The following DMD variants were observed in gnomAD, a reference collection of about 807,000 sequenced individuals.
DMD encodes dystrophin.
Under a neutral mutation model 330.1 loss-of-function variants are expected in DMD, and 63 were observed. The ratio of observed to expected loss-of-function variants is 0.19; its 90% CI spans 0.16 to 0.24. The LOEUF (loss-of-function observed/expected upper bound fraction) is 0.24. Ranked by LOEUF, DMD falls within the 10% of genes least tolerant of loss-of-function variation. The pLI, the probability that DMD is intolerant of heterozygous loss-of-function variation, is 1.00. For missense variants in DMD, 3,344 were observed against 2,684.1 expected (o/e 1.25, Z -5.43); for synonymous variants, 1,223 against 959.8 (o/e 1.27, Z -5.07).
chrX:32,041,409 G>A (rs766377813), intron 44 of DMD, among the ~76,000 whole-genome samples: 35 of 112,313 alleles, frequency 3.1e-4, no homozygotes, highest in Admixed American at 2.3e-3. Flanking sequence ...TCAACTGGGC[G>A]CAGAGCCCAT....
chrX:32,393,959 A>G (rs2098022152), intron 30 of DMD, among the ~76,000 whole-genome samples: 5 of 111,300 alleles, frequency 4.5e-5, no homozygotes, highest in Admixed American at 3.8e-4. Context: ...CAGAAATCGT[A>G]TTTTCAAGGG....
chrX:32,252,798 A>ATATAAG (rs2097276961), intron 43 of DMD, among the ~76,000 whole-genome samples: 5 of 67,612 alleles, frequency 7.4e-5, no homozygotes, highest in African/African-American at 2.8e-4. Context: ...ATATAAATAT[A>ATATAAG]TATATAAATA....
chrX:31,264,507 C>T lies in DMD; in HGVS notation c.9225-3491G>A, dbSNP rs60929862. The stretch of plus-strand genomic sequence containing the variant: ...TCAGCTTCATAAATAATCCTTAAAA[C>T]GCTCTTTACATCTTTAAAAAATGTT... On this transcript the variant is annotated intron_variant, in intron 62 of 78. Coordinates refer to ENST00000357033, the MANE Select transcript of DMD (RefSeq NM_004006.3). 4.6e-3 allele frequency among the ~76,000 whole-genome samples: 521 copies of T among 112,134 alleles called. 5 individuals are homozygous for T. The highest frequency in any genetic ancestry group is 0.016 in the African/African-American group (499 of 30,882).
intron 44 of DMD, among the ~76,000 whole-genome samples, chrX:32,081,586 GGCTCAC>G (rs2147898208): frequency 8.9e-6 from 1 of 111,821 alleles, no homozygotes; most frequent in South Asian, 3.8e-4. Context: ...CGGGCGTAGT[GGCTCAC>G]GCCTGTAATC....
chrX:32,950,269 T>C (rs895404528), intron 2 of DMD, among the ~76,000 whole-genome samples: 3 of 111,253 alleles, frequency 2.7e-5, no homozygotes, highest in African/African-American at 9.8e-5. Flanking sequence ...TGTTTTAAGC[T>C]CTTTACTTGT....
chrX:33,221,356 A>G (rs763229995), intron 1 of DMD, among the ~76,000 whole-genome samples: 1 of 111,459 alleles, frequency 9.0e-6, no homozygotes, highest in East Asian at 2.8e-4. Flanking sequence ...TAATAGCAAG[A>G]CCAGGTTTTA....
chrX:31,312,164 T>C (rs139011922), intron 62 of DMD, among the ~76,000 whole-genome samples: 2,915 of 111,953 alleles, frequency 0.026, 91 homozygotes, highest in African/African-American at 0.089. Context: ...TCAAAGTGAA[T>C]AGGCAACCTA....
intron 2 of DMD, among the ~76,000 whole-genome samples, chrX:32,905,448 A>G (rs1431051928): frequency 9.0e-6 from 1 of 111,716 alleles, no homozygotes; most frequent in Admixed American, 9.5e-5. Flanking sequence ...TACTATATAT[A>G]TAAGTTGGGG....
At chrX:33,010,681 T>C (rs758963695) in intron 2 of DMD, among the ~76,000 whole-genome samples, 1 of 111,690 alleles carries the variant, frequency 9.0e-6, no homozygotes, top group Admixed American at 9.6e-5. Context: ...TTTTTGAGTA[T>C]AGTCCCCACA....
At chrX:32,926,136 A>G (rs1237144437) in intron 2 of DMD, among the ~76,000 whole-genome samples, 1 of 112,158 alleles carries the variant, frequency 8.9e-6, no homozygotes, top group African/African-American at 3.2e-5. Context: ...AAGAAAATCT[A>G]CCATTTGTGA....
At chrX:31,301,802 A>G (rs1467589823) in intron 62 of DMD, among the ~76,000 whole-genome samples, 1 of 111,229 alleles carries the variant, frequency 9.0e-6, no homozygotes, top group Non-Finnish European at 1.9e-5. Context: ...AGCCTTATGC[A>G]GGAGAAAGGG....
rs373702497 is a variant in DMD at position 31,367,912 on chromosome X, A to T, written c.9085-19278T>A. Among the ~76,000 whole-genome samples, 8 of 112,019 alleles carry T rather than the reference A, an allele frequency of 7.1e-5. No individual in the cohort carries two copies. In the East Asian group the frequency reaches 2.2e-3, roughly 31 times the overall value. ...GGGAGAATTCAACAAATAAACAGGT[A>T]TTCTATTGACACCAAGAAGACTGAC... On this transcript the variant is annotated intron_variant, in intron 60 of 78. Transcript: ENST00000357033.
intron 55 of DMD, among the ~76,000 whole-genome samples, chrX:31,559,640 C>CAAAAAAAAAAAAAAAAAAAAAAAA (rs1167550498): frequency 4.6e-5 from 1 of 21,638 alleles, no homozygotes; most frequent in Non-Finnish European, 1.0e-4. Context: ...AACTCCGTCT[C>CAAAAAAAAAAAAAAAAAAAAAAAA]AAAAAAAAAA....
At chrX:32,549,280 T>C (rs1212832385) in intron 16 of DMD, among the ~76,000 whole-genome samples, 5 of 111,429 alleles carry the variant, frequency 4.5e-5, no homozygotes, top group African/African-American at 1.6e-4. Flanking sequence ...ATTTTCTTCA[T>C]CTTTAAAGTA....
chrX:32,660,677 T>C (rs1407850618), intron 9 of DMD, among the ~76,000 whole-genome samples: 3 of 111,391 alleles, frequency 2.7e-5, no homozygotes, highest in African/African-American at 9.8e-5. Context: ...TGAAGGTTTT[T>C]TTCTGCTTTT....
intron 7 of DMD, among the ~76,000 whole-genome samples, chrX:32,754,258 T>C (rs1046327386): frequency 9.0e-6 from 1 of 111,109 alleles, no homozygotes; most frequent in Non-Finnish European, 1.9e-5. Context: ...ATTATCGCCA[T>C]TTTACAGATG....
In DMD at chrX:31,932,138, C is replaced by T. The variant is rs1316893006; in HGVS notation, c.6704G>A (p.Ser2235Asn). ...CTCTTTTCCAGGTTCAAGTGGGATA[C>T]TAGCAATGTTATCTGCTTCCTCCAA... ...LWLEEADNIA[S>N]IPLEPGKEQQ... Residue 2235 changes from serine to asparagine, a missense_variant, in exon 46 of 79, where the codon AGT becomes AAT. Ser to Asn is a conservative substitution (Grantham distance 46, BLOSUM62 1). Coordinates refer to ENST00000357033, the MANE Select transcript of DMD (RefSeq NM_004006.3). The T allele has an allele frequency of 1.7e-6, 2 of 1,203,335 alleles. No individual in the cohort carries two copies. Among genetic ancestry groups the T allele is most frequent in the South Asian group, 1.8e-5 (1 of 56,697 alleles).
chrX:31,987,347 T>C (rs1193328202), intron 44 of DMD, among the ~76,000 whole-genome samples: 1 of 111,744 alleles, frequency 8.9e-6, no homozygotes. Context: ...AATACCTTAC[T>C]GTTGACAATA....
At chrX:31,782,467 G>A (rs889810204) in intron 50 of DMD, among the ~76,000 whole-genome samples, 1 of 110,551 alleles carries the variant, frequency 9.0e-6, no homozygotes, top group Non-Finnish European at 1.9e-5. Context: ...AGTTATACCA[G>A]ACATATGAAT....
Sources: gnomAD v4.1 joint callset for allele counts (sites outside exome capture counted in the v4.1 genomes callset) on GRCh38, gnomAD v4.1.1 for gene constraint, MANE v1.5 for transcripts, NCBI Gene and HGNC (gene_info 2026-07-23, HGNC 2026-07-21) for gene names.